CCDC39: variants seen among roughly 807,000 people sequenced by gnomAD.
CCDC39 encodes the protein coiled-coil domain-containing protein 39.
CCDC39 carries 113 observed loss-of-function variants against 121.0 expected under a neutral mutation model. That is an observed-to-expected ratio of 0.93 (90% confidence interval 0.80 to 1.09). The LOEUF is 1.09. Ranked by LOEUF, CCDC39 falls within the 50% of genes least tolerant of loss-of-function variation. The probability of loss-of-function intolerance (pLI) is 0.00; values close to 1 mark genes in which losing one functional copy is unlikely to be tolerated. For synonymous variants in CCDC39, 349 were observed against 352.2 expected (o/e 0.99, Z 0.10); for missense variants, 1,063 against 1,074.7 (o/e 0.99, Z 0.15).
chr3:180,675,874 G>C (rs952215651), intron 1 of CCDC39, among the ~76,000 whole-genome samples: 2 of 150,706 alleles, frequency 1.3e-5, no homozygotes, highest in South Asian at 2.1e-4. Flanking sequence ...TGACAAACCT[G>C]ACAAAAACAA....
chr3:180,663,822 T>C (rs199699161), intron 2 of CCDC39, 45 bp downstream of exon 2: 12 of 1,585,638 alleles, frequency 7.6e-6, no homozygotes, highest in Non-Finnish European at 9.5e-6. Context: ...TATGAGATGT[T>C]CCATGACTAC....
At chr3:180,643,329 A>C (rs527802232) in intron 12 of CCDC39, among the ~76,000 whole-genome samples, 1 of 152,274 alleles carries the variant, frequency 6.6e-6, no homozygotes. Context: ...GCGGAAAAAA[A>C]ATGGGCCAAG....
At chr3:180,667,658 CCT>C (rs1351577767) in intron 1 of CCDC39, among the ~76,000 whole-genome samples, 1 of 152,092 alleles carries the variant, frequency 6.6e-6, no homozygotes, top group Non-Finnish European at 1.5e-5. Context: ...CATCTCTCTC[CCT>C]CTTTTGGGGC....
At position 180,679,263 on chromosome 3, in the gene CCDC39, T is replaced by A; in HGVS notation, c.90+28A>T. 6.3e-7 allele frequency: 1 copy of A among 1,594,464 alleles called. No individual in the cohort carries two copies. Among genetic ancestry groups the A allele is most frequent in the Non-Finnish European group, 8.6e-7 (1 of 1,162,172 alleles). On this transcript the variant is annotated intron_variant, in intron 1 of 19. Coordinates refer to ENST00000476379, the MANE Select transcript of CCDC39 (RefSeq NM_181426.2). This position sits in a 1 kb window ranked among gnomAD's most constrained non-coding sequence, Gnocchi z 4.0. ...ACGCCCCCAACAGGCTCTCTCTGCT[T>A]CCTCCCGCCTGCTTCAATTGATCTC...
At chr3:180,618,390 G>C (rs1475213019) in intron 16 of CCDC39, among the ~76,000 whole-genome samples, 1 of 151,856 alleles carries the variant, frequency 6.6e-6, no homozygotes, top group Non-Finnish European at 1.5e-5. Flanking sequence ...TCAATGTTTA[G>C]CGCCTGCTTA....
Position 180,646,950 on chromosome 3 carries a change from T to C in CCDC39, c.1527+129A>G, listed in dbSNP as rs1718080204. 3 of 748,040 alleles carry C rather than the reference T, an allele frequency of 4.0e-6. No individual in the cohort carries two copies. In the East Asian group the frequency reaches 7.9e-5, roughly 20 times the overall value. The allele number at this position is 748,040 out of a possible 1,614,324, so 46.3% of individuals were successfully genotyped here. A position where few individuals can be genotyped will look rare whatever the true frequency, so the allele number is the denominator to read the frequency against. On this transcript the variant is annotated intron_variant, in intron 11 of 19. Coordinates refer to ENST00000476379, the MANE Select transcript of CCDC39 (RefSeq NM_181426.2). ...ACTAATAGTACAAAAATAAGAACAT[T>C]GTTCATACATTTGTTATATATGTGT...
At chr3:180,629,544 G>A (rs1717645495) in intron 14 of CCDC39, among the ~76,000 whole-genome samples, 1 of 152,124 alleles carries the variant, frequency 6.6e-6, no homozygotes, top group African/African-American at 2.4e-5. Context: ...CCATGCACTG[G>A]CATCATTGCA....
chr3:180,624,705 T>C (rs1717517140), intron 14 of CCDC39, among the ~76,000 whole-genome samples: 1 of 152,234 alleles, frequency 6.6e-6, no homozygotes, highest in Non-Finnish European at 1.5e-5. Context: ...CCCTTAGTGT[T>C]TGCTTTGCTG....
At chr3:180,638,346 G>A (rs1044578480) in intron 13 of CCDC39, among the ~76,000 whole-genome samples, 8 of 152,140 alleles carry the variant, frequency 5.3e-5, no homozygotes, top group Admixed American at 3.3e-4. Context: ...AAGTTTAAGG[G>A]AGAATAAATA....
At chr3:180,653,457 G>A (rs1711514733) in intron 7 of CCDC39, among the ~76,000 whole-genome samples, 1 of 152,092 alleles carries the variant, frequency 6.6e-6, no homozygotes, top group Admixed American at 6.6e-5. Flanking sequence ...TGTATATACT[G>A]GATTTTCAAA....
chr3:180,619,334 T>C lies in CCDC39; in HGVS notation c.2190A>G (p.Glu730=). 1 of 1,541,398 alleles carries C rather than the reference T, an allele frequency of 6.5e-7. No homozygotes were observed. The highest frequency in any genetic ancestry group is 8.8e-7 in the Non-Finnish European group (1 of 1,138,956). Residue 730 remains glutamate (E), a synonymous_variant, in exon 16 of 20, where the codon GAA becomes GAG. Coordinates refer to ENST00000476379, the MANE Select transcript of CCDC39 (RefSeq NM_181426.2). ...TTTCATCAACAGCTCTTTTTTGTTCTTCTAGTTGAATTTTTAGCTCATACT... is the reference window on the plus strand; with the variant it reads ...TTTCATCAACAGCTCTTTTTTGTTCCTCTAGTTGAATTTTTAGCTCATACT... The part of the protein sequence containing the change: ...SDEYELKIQL[E]EQKRAVDEKY...
intron 1 of CCDC39, among the ~76,000 whole-genome samples, chr3:180,670,635 T>TTC (rs1258745761): frequency 6.3e-5 from 9 of 141,918 alleles, no homozygotes; most frequent in African/African-American, 2.5e-4. Context: ...TGCCTTTTTT[T>TTC]TCTCTTTTTT....
chr3:180,644,567 T>C (rs1215020955), intron 11 of CCDC39, among the ~76,000 whole-genome samples: 1 of 152,164 alleles, frequency 6.6e-6, no homozygotes, highest in Non-Finnish European at 1.5e-5. Context: ...TGGGGATTGG[T>C]TGCAGGACAA....
chr3:180,672,128 A>T (rs1712065775), intron 1 of CCDC39, among the ~76,000 whole-genome samples: 1 of 152,158 alleles, frequency 6.6e-6, no homozygotes, highest in Non-Finnish European at 1.5e-5. Context: ...TGAAGCCAAC[A>T]CTCATTTACT....
At chr3:180,648,418 A>G (rs1718124060) in intron 9 of CCDC39, 59 bp from the exon 10 acceptor site, 1 of 1,133,064 alleles carries the variant, frequency 8.8e-7, no homozygotes, top group African/African-American at 1.6e-5. Context: ...TTGTATTTAT[A>G]TGAACATAAT....
intron 14 of CCDC39, among the ~76,000 whole-genome samples, chr3:180,628,515 A>G (rs1269044908): frequency 6.6e-6 from 1 of 152,156 alleles, no homozygotes; most frequent in Non-Finnish European, 1.5e-5. Context: ...CCTGAGACAT[A>G]TATTTCTGTT....
At chr3:180,670,866 C>T (rs1712024342) in intron 1 of CCDC39, among the ~76,000 whole-genome samples, 1 of 152,080 alleles carries the variant, frequency 6.6e-6, no homozygotes, top group African/African-American at 2.4e-5. Context: ...ATAAGACATG[C>T]TTGCCAGCGT....
At chr3:180,666,232 G>A (rs888454245) in intron 1 of CCDC39, among the ~76,000 whole-genome samples, 10 of 152,164 alleles carry the variant, frequency 6.6e-5, no homozygotes, top group Non-Finnish European at 2.9e-5. Context: ...TTGGCCTTTT[G>A]TTTCTGGGTT....
chr3:180,659,440 C>A lies in CCDC39; in HGVS notation c.738+12G>T, dbSNP rs750867220. The stretch of plus-strand genomic sequence containing the variant: ...GCAGCTGAACATTACAAGGACCAAA[C>A]AACTACTTTACCAAAGCACAGTTAT... On this transcript the variant is annotated intron_variant, in intron 6 of 19. Coordinates refer to ENST00000476379, the MANE Select transcript of CCDC39 (RefSeq NM_181426.2). 1 of 1,612,996 alleles carries A rather than the reference C, an allele frequency of 6.2e-7. No individual in the cohort carries two copies. Among genetic ancestry groups the A allele is most frequent in the Admixed American group, 1.7e-5 (1 of 59,956 alleles).
Sources: gnomAD v4.1 joint callset for allele counts (sites outside exome capture counted in the v4.1 genomes callset) on GRCh38, gnomAD v4.1.1 for gene constraint, Gnocchi (gnomAD v3.1) non-coding constraint, MANE v1.5 for transcripts, NCBI Gene and HGNC (gene_info 2026-07-23, HGNC 2026-07-21) for gene names.